The following ITSN1 variants were observed in gnomAD, a reference collection of about 807,000 sequenced individuals.
ITSN1 encodes intersectin-1.
In ITSN1, 58 loss-of-function variants were observed where a neutral mutation model predicts 239.8. That is an observed-to-expected ratio of 0.24 (90% confidence interval 0.20 to 0.30). ITSN1 has a LOEUF of 0.30. Ranked by LOEUF, ITSN1 falls within the 10% of genes least tolerant of loss-of-function variation. The pLI is 1.00. For missense variants in ITSN1, 1,558 were observed against 2,103.3 expected (o/e 0.74, Z 5.07); for synonymous variants, 780 against 770.8 (o/e 1.01, Z -0.20).
chr21:33,878,004 CTCTTTGTGTG>C (rs1569336102), intron 34 of ITSN1, among the ~76,000 whole-genome samples: 1 of 120,440 alleles, frequency 8.3e-6, no homozygotes, highest in Non-Finnish European at 1.7e-5. Context: ...CTTTCTCTCT[CTCTTTGTGTG>C]TGTGTGTGTG....
intron 1 of ITSN1, among the ~76,000 whole-genome samples, chr21:33,712,349 T>TATATACC (rs1463555222): frequency 6.6e-6 from 1 of 152,232 alleles, no homozygotes; most frequent in African/African-American, 2.4e-5. Flanking sequence ...CTAACTTGGT[T>TATATACC]AGATCTGCCT....
intron 16 of ITSN1, among the ~76,000 whole-genome samples, chr21:33,787,282 T>C (rs2070751469): frequency 6.6e-6 from 1 of 152,236 alleles, no homozygotes; most frequent in African/African-American, 2.4e-5. Flanking sequence ...GTTTCCATCA[T>C]GGGAGACATA....
intron 1 of ITSN1, among the ~76,000 whole-genome samples, chr21:33,712,108 A>G (rs1329849069): frequency 6.6e-6 from 1 of 152,078 alleles, no homozygotes; most frequent in Admixed American, 6.6e-5. Flanking sequence ...CATGGAAAGT[A>G]GGTGTAATGG....
chr21:33,854,697 A>G (rs1978979295), intron 29 of ITSN1, among the ~76,000 whole-genome samples: 1 of 152,204 alleles, frequency 6.6e-6, no homozygotes, highest in Non-Finnish European at 1.5e-5. Flanking sequence ...TGTTTTAATA[A>G]AAGACAATCT....
intron 1 of ITSN1, among the ~76,000 whole-genome samples, chr21:33,690,291 A>T (rs184928508): frequency 6.6e-6 from 1 of 150,982 alleles, no homozygotes; most frequent in Admixed American, 6.6e-5. Context: ...AAGAATTAAA[A>T]ATAAATGAAC....
chr21:33,891,937 G>A lies in ITSN1; in HGVS notation c.*3637G>A, dbSNP rs376305061. 3 of 152,060 alleles carry A rather than the reference G, an allele frequency of 2.0e-5. No individual in the cohort carries two copies. In the South Asian group the frequency reaches 6.3e-4, roughly 32 times the overall value. The allele number at this position is 152,060 out of a possible 1,614,324, so 9.4% of individuals were successfully genotyped here. Reference sequence around the variant, plus strand: ...TTTAAGAATTTCCATTGGAAACAAAGTATGATTTGATTTGATTTGATTTCT... The same window carrying A: ...TTTAAGAATTTCCATTGGAAACAAAATATGATTTGATTTGATTTGATTTCT... On this transcript the variant is annotated 3_prime_UTR_variant, in exon 40 of 40. Coordinates refer to ENST00000381318, the MANE Select transcript of ITSN1 (RefSeq NM_003024.3).
At chr21:33,719,267 C>A (rs2065343294) in intron 2 of ITSN1, among the ~76,000 whole-genome samples, 1 of 152,098 alleles carries the variant, frequency 6.6e-6, no homozygotes, top group African/African-American at 2.4e-5. Flanking sequence ...ATAGTGAAAC[C>A]CTGTCTCTAT....
At chr21:33,835,316 G>A (rs1033898967) in intron 28 of ITSN1, among the ~76,000 whole-genome samples, 2 of 152,178 alleles carry the variant, frequency 1.3e-5, no homozygotes, top group Non-Finnish European at 2.9e-5. Context: ...GTCCCCTGGA[G>A]AGATGTGTCA....
chr21:33,885,327 A>G, intron 37 of ITSN1, 112 bp from the exon 38 acceptor site: 3 of 1,130,098 alleles, frequency 2.7e-6, no homozygotes, highest in Non-Finnish European at 4.0e-6. Flanking sequence ...AGGAGAGGGA[A>G]GAATTACTTT....
intron 1 of ITSN1, among the ~76,000 whole-genome samples, chr21:33,708,722 T>C (rs933948860): frequency 1.3e-5 from 2 of 152,334 alleles, no homozygotes; most frequent in East Asian, 1.9e-4. Flanking sequence ...TCCTTGTGTT[T>C]TGAGAAATTG....
intron 1 of ITSN1, among the ~76,000 whole-genome samples, chr21:33,676,055 A>G (rs1027470550): frequency 6.7e-6 from 1 of 148,958 alleles, no homozygotes; most frequent in Non-Finnish European, 1.5e-5. Context: ...TTTGTTTGAC[A>G]TGGAGTTTTG....
rs141514977 is a variant in ITSN1, at chr21:33,768,043, G to A, written c.1042+215G>A. Among the ~76,000 whole-genome samples the A allele has an allele frequency of 5.9e-5, 9 of 152,294 alleles. No individual in the cohort carries two copies. The East Asian group carries it at 7.7e-4, about 13-fold the overall frequency. ...ACATTATGCACTCTGCTAATGCACC[G>A]TTGTTCTAACTTGTAACTTGAAATC... On this transcript the variant is annotated intron_variant, in intron 11 of 39. Coordinates refer to ENST00000381318, the MANE Select transcript of ITSN1 (RefSeq NM_003024.3).
chr21:33,837,760 C>A (rs2074673932), intron 29 of ITSN1: 1 of 985,742 alleles, frequency 1.0e-6, no homozygotes, highest in Non-Finnish European at 1.2e-6. Context: ...GACCTTGTAG[C>A]CACATGAGAA....
At chr21:33,730,743 G>A (rs2066130553) in intron 4 of ITSN1, among the ~76,000 whole-genome samples, 3 of 149,716 alleles carry the variant, frequency 2.0e-5, no homozygotes, top group Admixed American at 6.7e-5. Flanking sequence ...GTCTTGCTCC[G>A]TCACCCAGGC....
At chr21:33,739,877 T>A (rs1054231203) in intron 5 of ITSN1, among the ~76,000 whole-genome samples, 1 of 152,128 alleles carries the variant, frequency 6.6e-6, no homozygotes, top group Non-Finnish European at 1.5e-5. Context: ...ATCTGAAGAC[T>A]GGAATGTAGG....
In ITSN1 at chr21:33,646,743, G is replaced by T. The variant is rs571830452; in HGVS notation, c.-33+4030G>T. ...GTTACAGTGATGATAAAGAATTGGG[G>T]TGTATAAAAATACCTAAAACTCAAA... On this transcript the variant is annotated intron_variant, in intron 1 of 39. Transcript: ENST00000381318. 1.9e-4 allele frequency among the ~76,000 whole-genome samples: 29 copies of T among 152,164 alleles called. 1 individual carries two copies. Among genetic ancestry groups the T allele is most frequent in the Non-Finnish European group, 3.8e-4 (26 of 68,036 alleles).
intron 36 of ITSN1, among the ~76,000 whole-genome samples, chr21:33,884,673 C>T (rs570035144): frequency 5.9e-5 from 9 of 152,270 alleles, no homozygotes; most frequent in Admixed American, 3.9e-4. Context: ...TCTTTCTTTG[C>T]GTGATTTCAT....
At position 33,865,469 on chromosome 21, in the gene ITSN1, C is replaced by T. The variant is rs1981397425; in HGVS notation, c.4074+135C>T. ...AACAGGGCCTAGGGTCTTGGCTAAG[C>T]CTTAGGGGACTGGCACTCACTGGCA... On this transcript the variant is annotated intron_variant, in intron 32 of 39. Coordinates refer to ENST00000381318, the MANE Select transcript of ITSN1 (RefSeq NM_003024.3). This position sits in a 1 kb window ranked among gnomAD's most constrained non-coding sequence, Gnocchi z 4.4. 8 of 681,982 alleles carry T rather than the reference C, an allele frequency of 1.2e-5. No individual in the cohort carries two copies. The highest frequency in any genetic ancestry group is 7.5e-5 in the South Asian group (3 of 40,070). The allele number at this position is 681,982 out of a possible 1,614,324, so 42.2% of individuals were successfully genotyped here.
intron 1 of ITSN1, among the ~76,000 whole-genome samples, chr21:33,659,431 T>G (rs2089365435): frequency 6.6e-6 from 1 of 152,146 alleles, no homozygotes; most frequent in Non-Finnish European, 1.5e-5. Context: ...AGTGCAAGAC[T>G]TGAGGCTGGC....
Sources: gnomAD v4.1 joint callset for allele counts (sites outside exome capture counted in the v4.1 genomes callset) on GRCh38, gnomAD v4.1.1 for gene constraint, Gnocchi (gnomAD v3.1) non-coding constraint, MANE v1.5 for transcripts, NCBI Gene and HGNC (gene_info 2026-07-23, HGNC 2026-07-21) for gene names.